The following CDH18 variants were observed in gnomAD, a reference collection of about 807,000 sequenced individuals.
CDH18 encodes the protein cadherin-18.
Under a neutral mutation model 67.9 loss-of-function variants are expected in CDH18, and 31 were observed. That is an observed-to-expected ratio of 0.46 (90% CI 0.34 to 0.62). CDH18 has a LOEUF of 0.62. Ranked by LOEUF, CDH18 falls within the 20% of genes least tolerant of loss-of-function variation. The pLI, the probability that CDH18 is intolerant of heterozygous loss-of-function variation, is 0.01. For missense variants in CDH18, 890 were observed against 975.5 expected (o/e 0.91, Z 1.17); for synonymous variants, 362 against 347.2 (o/e 1.04, Z -0.48).
chr5:19,870,785 A>C (rs576886440), intron 2 of CDH18, among the ~76,000 whole-genome samples: 1 of 152,192 alleles, frequency 6.6e-6, no homozygotes, highest in Non-Finnish European at 1.5e-5. Context: ...GTGTATTCTT[A>C]CTCTGCATAA....
intron 2 of CDH18, among the ~76,000 whole-genome samples, chr5:20,119,512 GAT>G (rs1199938470): frequency 1.2e-4 from 18 of 152,120 alleles, no homozygotes; most frequent in African/African-American, 4.1e-4. Context: ...CAAGGCTCCA[GAT>G]AAATTAATAA....
At chr5:20,113,442 C>G (rs1274533202) in intron 2 of CDH18, among the ~76,000 whole-genome samples, 3 of 152,150 alleles carry the variant, frequency 2.0e-5, no homozygotes, top group Admixed American at 2.0e-4. Flanking sequence ...CGCCCCACAA[C>G]TAAAACAACA....
intron 3 of CDH18, among the ~76,000 whole-genome samples, chr5:19,809,277 C>T (rs886529883): frequency 2.6e-5 from 4 of 152,162 alleles, no homozygotes; most frequent in South Asian, 4.2e-4. Context: ...TAGCCCAGTG[C>T]CTCTGGGGAA....
At chr5:20,537,406 T>C (rs1443760688) in intron 1 of CDH18, among the ~76,000 whole-genome samples, 1 of 150,450 alleles carries the variant, frequency 6.6e-6, no homozygotes. Flanking sequence ...TGATTTTTTA[T>C]TGTGGAAAGT....
At chr5:19,901,834 A>G (rs1789967840) in intron 2 of CDH18, among the ~76,000 whole-genome samples, 1 of 151,898 alleles carries the variant, frequency 6.6e-6, no homozygotes. Context: ...CACTTATGAT[A>G]TATAATATAT....
intron 2 of CDH18, among the ~76,000 whole-genome samples, chr5:20,058,287 A>G (rs1742169725): frequency 6.6e-6 from 1 of 152,172 alleles, no homozygotes; most frequent in Non-Finnish European, 1.5e-5. Flanking sequence ...ACTATTTTTA[A>G]GACATACCTT....
At chr5:20,097,789 G>A (rs1205172249) in intron 2 of CDH18, among the ~76,000 whole-genome samples, 2 of 151,798 alleles carry the variant, frequency 1.3e-5, no homozygotes, top group Non-Finnish European at 1.5e-5. Flanking sequence ...GGTTGTATTC[G>A]ATATCTATTT....
intron 4 of CDH18, among the ~76,000 whole-genome samples, chr5:19,727,259 A>G (rs945867640): frequency 6.6e-6 from 1 of 152,202 alleles, no homozygotes; most frequent in Non-Finnish European, 1.5e-5. Flanking sequence ...TAGAAATAGT[A>G]CTTTTTAAAT....
chr5:19,895,505 C>T (rs1309612118), intron 2 of CDH18, among the ~76,000 whole-genome samples: 1 of 152,094 alleles, frequency 6.6e-6, no homozygotes, highest in African/African-American at 2.4e-5. Flanking sequence ...CAATTTCACT[C>T]CTGGGTATTG....
chr5:20,015,143 C>A (rs1031911932), intron 2 of CDH18, among the ~76,000 whole-genome samples: 3 of 152,204 alleles, frequency 2.0e-5, no homozygotes, highest in Admixed American at 6.5e-5. Context: ...GATTTGCGTG[C>A]CATGTTGATT....
At chr5:20,396,466 T>A (rs1428502445) in intron 1 of CDH18, among the ~76,000 whole-genome samples, 1 of 151,784 alleles carries the variant, frequency 6.6e-6, no homozygotes, top group Non-Finnish European at 1.5e-5. Flanking sequence ...GTCTTAATGA[T>A]AACTGCTTAT....
chr5:19,953,402 G>T (rs1795985012), intron 2 of CDH18, among the ~76,000 whole-genome samples: 1 of 151,986 alleles, frequency 6.6e-6, no homozygotes, highest in African/African-American at 2.4e-5. Flanking sequence ...TTTCTGTTAT[G>T]TTGACTGATG....
At chr5:20,544,193 C>T (rs1988350) in intron 1 of CDH18, among the ~76,000 whole-genome samples, 66,841 of 151,654 alleles carry the variant, frequency 0.44, 15,131 homozygotes, top group East Asian at 0.57. Context: ...TACAAAATTT[C>T]GAGAGACATT....
At chr5:19,722,511 G>A (rs571546265) in intron 4 of CDH18, among the ~76,000 whole-genome samples, 2 of 148,162 alleles carry the variant, frequency 1.3e-5, no homozygotes, top group Non-Finnish European at 3.0e-5. Context: ...TAGTATGATC[G>A]TGTCTTTGTG....
intron 2 of CDH18, among the ~76,000 whole-genome samples, chr5:19,915,935 A>T (rs910894268): frequency 2.0e-5 from 3 of 152,110 alleles, no homozygotes; most frequent in African/African-American, 7.2e-5. Context: ...GGACTCTAAA[A>T]ATTACTCCTT....
intron 1 of CDH18, among the ~76,000 whole-genome samples, chr5:20,549,673 A>C (rs1338682079): frequency 6.6e-6 from 1 of 152,148 alleles, no homozygotes; most frequent in Non-Finnish European, 1.5e-5. Context: ...TAAAGAAGGA[A>C]GGGTCACGAG....
At chr5:20,040,774 A>C (rs903604760) in intron 2 of CDH18, among the ~76,000 whole-genome samples, 2 of 152,156 alleles carry the variant, frequency 1.3e-5, no homozygotes, top group African/African-American at 4.8e-5. Context: ...AGACCAGTTC[A>C]AACAACTGCT....
At chr5:19,500,515 C>T (rs966586481) in intron 11 of CDH18, among the ~76,000 whole-genome samples, 1 of 152,068 alleles carries the variant, frequency 6.6e-6, no homozygotes, top group Non-Finnish European at 1.5e-5. Flanking sequence ...AGCTATGTGT[C>T]AATATTTCCA....
chr5:19,503,140 T>A (rs766645222), intron 10 of CDH18, 31 bp from the exon 11 acceptor site: 1 of 1,107,186 alleles, frequency 9.0e-7, no homozygotes, highest in East Asian at 2.4e-5. Flanking sequence ...AAATCGTAAA[T>A]TTAATTTTGC....
Sources: gnomAD v4.1 joint callset for allele counts (sites outside exome capture counted in the v4.1 genomes callset) on GRCh38, gnomAD v4.1.1 for gene constraint, MANE v1.5 for transcripts, NCBI Gene and HGNC (gene_info 2026-07-23, HGNC 2026-07-21) for gene names.